GUCY1A2: variants seen among roughly 807,000 people sequenced by gnomAD.
GUCY1A2 encodes guanylate cyclase 1 soluble subunit alpha 2, also known as guanylate cyclase soluble subunit alpha-2.
Under a neutral mutation model 63.5 loss-of-function variants are expected in GUCY1A2, and 27 were observed. The observed-to-expected ratio is 0.43, with a 90% CI of 0.31 to 0.59. The LOEUF is 0.59. GUCY1A2 is among the 20% of genes least tolerant of loss of function. The probability of loss-of-function intolerance (pLI) is 0.11; values close to 1 mark genes in which losing one functional copy is unlikely to be tolerated. For synonymous variants in GUCY1A2, 364 were observed against 343.5 expected (o/e 1.06, Z -0.66); for missense variants, 768 against 913.3 (o/e 0.84, Z 2.05).
Position 107,018,029 on chromosome 11 carries a change from C to G in GUCY1A2, c.27G>C (p.Glu9Asp). Residue 9 changes from glutamate (E) to aspartate (D), a missense_variant, in exon 1 of 8, where the codon GAG (glutamate) becomes GAC (aspartate). By Grantham distance (45) the Glu-to-Asp change is conservative. Around this residue, in one of 3 missense-constraint regions of GUCY1A2, gnomAD observed 496 missense variants for 486.9 expected, o/e 1.02. Coordinates refer to ENST00000526355, the MANE Select transcript of GUCY1A2 (RefSeq NM_000855.3). MSRRKISS[E>D]SFSSLGSDYL... ...AGTCGGAGCCCAGGGAGCTGAAGGA[C>G]TCGGACGAAATCTTCCTTCGAGACA... The G allele has an allele frequency of 6.8e-7, 1 of 1,475,256 alleles. No homozygotes were observed. The highest frequency in any genetic ancestry group is 1.5e-5 in the African/African-American group (1 of 68,472). The allele number at this position is 1,475,256 out of a possible 1,614,324, so 91.4% of individuals were successfully genotyped here.
intron 4 of GUCY1A2, among the ~76,000 whole-genome samples, chr11:106,831,070 A>G (rs1249905883): frequency 1.3e-5 from 2 of 152,212 alleles, no homozygotes; most frequent in Non-Finnish European, 1.5e-5. Flanking sequence ...CATGGAATGC[A>G]GATTAAAAAT....
intron 4 of GUCY1A2, chr11:106,827,140 G>A: frequency 6.7e-7 from 1 of 1,485,636 alleles, no homozygotes; most frequent in South Asian, 1.1e-5. Flanking sequence ...AATCTTATGA[G>A]AAAACTCTTT....
intron 4 of GUCY1A2, among the ~76,000 whole-genome samples, chr11:106,884,721 T>A (rs1416943180): frequency 2.0e-5 from 3 of 152,076 alleles, no homozygotes; most frequent in Non-Finnish European, 4.4e-5. Flanking sequence ...TCCCTGGAGG[T>A]AATGAATGTT....
At chr11:106,788,024 G>C (rs1307295447) in intron 5 of GUCY1A2, among the ~76,000 whole-genome samples, 1 of 152,076 alleles carries the variant, frequency 6.6e-6, no homozygotes, top group Non-Finnish European at 1.5e-5. Flanking sequence ...GGTTCCCTTT[G>C]CTCCAGATTT....
At chr11:106,904,161 AT>A (rs1334843432) in intron 4 of GUCY1A2, among the ~76,000 whole-genome samples, 1 of 152,180 alleles carries the variant, frequency 6.6e-6, no homozygotes, top group East Asian at 1.9e-4. Context: ...CAATATATAG[AT>A]GTCTGATACC....
intron 4 of GUCY1A2, among the ~76,000 whole-genome samples, chr11:106,919,014 A>T (rs1338413806): frequency 6.6e-6 from 1 of 152,148 alleles, no homozygotes; most frequent in East Asian, 1.9e-4. Flanking sequence ...AATTACATTC[A>T]TTTATTATCT....
Position 107,017,881 on chromosome 11 carries a change from G to T in GUCY1A2, c.175C>A (p.Pro59Thr), listed in dbSNP as rs1401860375. 1.6e-6 allele frequency: 2 copies of T among 1,250,800 alleles called. No homozygotes were observed. Among genetic ancestry groups the T allele is most frequent in the Non-Finnish European group, 2.0e-6 (2 of 995,424 alleles). The allele number at this position is 1,250,800 out of a possible 1,614,324, so 77.5% of individuals were successfully genotyped here. A position where few individuals can be genotyped will look rare whatever the true frequency, so the allele number is the denominator to read the frequency against. Residue 59 changes from proline to threonine, a missense_variant, in exon 1 of 8, where the codon CCG (proline) becomes ACG (threonine). Physicochemically the swap from Pro to Thr is conservative, Grantham distance 38. Transcript: ENST00000526355. The stretch of plus-strand genomic sequence containing the variant: ...GCAGAAGCAGCCGGGGTCGGGGCCG[G>T]GGCGGCGGCAGCGGCAGCTGCGGCC... ...SPAAAAAAAA[P>T]APTPAASAAA...
chr11:106,760,039 AG>A (rs147963303), intron 6 of GUCY1A2, among the ~76,000 whole-genome samples: 16,336 of 152,194 alleles, frequency 0.11, 1,039 homozygotes, highest in African/African-American at 0.18. Context: ...ACCAGAATCT[AG>A]TAATAGTAGA....
At position 106,837,486 on chromosome 11, in the gene GUCY1A2, T is replaced by C. The variant is rs573253488; in HGVS notation, c.1207-27008A>G. Among the ~76,000 whole-genome samples, 3 of 152,106 alleles carry C rather than the reference T, an allele frequency of 2.0e-5. No individual in the cohort carries two copies. In the East Asian group the frequency reaches 5.8e-4, roughly 29 times the overall value. ...GCCTGTATCATTATGGTAGAATGATTTATATTCCTTTGGGTATATACCCAG... is the reference window on the plus strand; with the variant it reads ...GCCTGTATCATTATGGTAGAATGATCTATATTCCTTTGGGTATATACCCAG... On this transcript the variant is annotated intron_variant, in intron 4 of 7. Transcript: ENST00000526355.
intron 4 of GUCY1A2, among the ~76,000 whole-genome samples, chr11:106,844,232 G>T (rs1859240885): frequency 6.6e-6 from 1 of 151,754 alleles, no homozygotes; most frequent in South Asian, 2.1e-4. Context: ...TGGAAATATG[G>T]CCCATGCTGT....
chr11:106,844,940 T>C (rs913958670), intron 4 of GUCY1A2, among the ~76,000 whole-genome samples: 1 of 151,616 alleles, frequency 6.6e-6, no homozygotes, highest in Non-Finnish European at 1.5e-5. Context: ...CAGGTAAACA[T>C]AACAGAAAAA....
chr11:106,903,713 T>C (rs949543876), intron 4 of GUCY1A2, among the ~76,000 whole-genome samples: 8 of 152,178 alleles, frequency 5.3e-5, no homozygotes, highest in Non-Finnish European at 1.2e-4. Context: ...GGGAAGATGA[T>C]AGAAAGTGAT....
At chr11:106,742,797 T>G (rs1391912713) in intron 6 of GUCY1A2, among the ~76,000 whole-genome samples, 1 of 152,120 alleles carries the variant, frequency 6.6e-6, no homozygotes, top group Non-Finnish European at 1.5e-5. Context: ...TAATTTACAC[T>G]CCCACCAACA....
At chr11:106,846,132 G>T (rs1244889572) in intron 4 of GUCY1A2, among the ~76,000 whole-genome samples, 1 of 151,604 alleles carries the variant, frequency 6.6e-6, no homozygotes, top group African/African-American at 2.4e-5. Flanking sequence ...TAAATGCAAT[G>T]TGTAATACTC....
intron 5 of GUCY1A2, among the ~76,000 whole-genome samples, chr11:106,804,358 T>G (rs575029350): frequency 6.6e-6 from 1 of 152,274 alleles, no homozygotes; most frequent in East Asian, 1.9e-4. Flanking sequence ...AGAAAATATG[T>G]AAATCTTGGG....
intron 3 of GUCY1A2, among the ~76,000 whole-genome samples, chr11:106,967,706 G>C (rs1186938063): frequency 2.2e-5 from 3 of 139,346 alleles, no homozygotes; most frequent in African/African-American, 7.9e-5. Context: ...GAGGCAGGAA[G>C]GAAGGAAGGA....
intron 7 of GUCY1A2, among the ~76,000 whole-genome samples, chr11:106,691,282 T>C (rs1862619801): frequency 6.6e-6 from 1 of 152,164 alleles, no homozygotes; most frequent in African/African-American, 2.4e-5. Context: ...TGATACAACA[T>C]CTGATACAAT....
At chr11:106,808,594 A>G (rs1858723052) in intron 5 of GUCY1A2, among the ~76,000 whole-genome samples, 1 of 152,096 alleles carries the variant, frequency 6.6e-6, no homozygotes. Flanking sequence ...TTTATCTATT[A>G]TCATTCTCAT....
chr11:106,755,390 C>A (rs1272964075), intron 6 of GUCY1A2, among the ~76,000 whole-genome samples: 1 of 152,026 alleles, frequency 6.6e-6, no homozygotes, highest in Non-Finnish European at 1.5e-5. Context: ...CTTCTGCTAG[C>A]TTTTGAATTT....
Sources: allele counts gnomAD v4.1 joint callset (sites outside exome capture counted in the v4.1 genomes callset), GRCh38; gene constraint gnomAD v4.1.1; regional missense constraint gnomAD v4.1.1; transcripts MANE v1.5; gene names NCBI Gene and HGNC (gene_info 2026-07-23, HGNC 2026-07-21).